IRAG1: variants seen among roughly 807,000 people sequenced by gnomAD.
IRAG1 encodes the protein IP3R-associated cGMP kinase substrate.
IRAG1 carries 62 observed loss-of-function variants against 106.2 expected under a neutral mutation model. That is an observed-to-expected ratio of 0.58 (90% CI 0.48 to 0.72). The LOEUF is 0.72. IRAG1 is among the 30% of genes least tolerant of loss of function. The pLI is 0.00. For synonymous variants in IRAG1, 462 were observed against 443.9 expected (o/e 1.04, Z -0.51); for missense variants, 1,064 against 1,140.7 (o/e 0.93, Z 0.97).
At chr11:10,588,576 CTT>C (rs1467305463) in intron 18 of IRAG1, among the ~76,000 whole-genome samples, 1 of 152,348 alleles carries the variant, frequency 6.6e-6, no homozygotes, top group East Asian at 1.9e-4. Flanking sequence ...GTCTTCAACT[CTT>C]GAGCTCAAGT....
intron 1 of IRAG1, among the ~76,000 whole-genome samples, chr11:10,681,131 CA>C (rs1861221055): frequency 6.6e-6 from 1 of 152,078 alleles, no homozygotes; most frequent in Non-Finnish European, 1.5e-5. Flanking sequence ...CTATGAGTTT[CA>C]CCACTTCCAA....
intron 2 of IRAG1, among the ~76,000 whole-genome samples, chr11:10,635,685 C>T (rs998427849): frequency 2.0e-5 from 3 of 152,194 alleles, no homozygotes; most frequent in Non-Finnish European, 2.9e-5. Context: ...GGACTTCTTA[C>T]GTCCCACAAT....
chr11:10,660,272 A>G (rs1229075571), intron 1 of IRAG1, among the ~76,000 whole-genome samples: 1 of 152,242 alleles, frequency 6.6e-6, no homozygotes, highest in Non-Finnish European at 1.5e-5. Context: ...CATTAAACAA[A>G]AAGGAGATAA....
At chr11:10,676,981 GT>G (rs1860733211) in intron 1 of IRAG1, among the ~76,000 whole-genome samples, 1 of 152,140 alleles carries the variant, frequency 6.6e-6, no homozygotes, top group African/African-American at 2.4e-5. Flanking sequence ...TGCACTGACT[GT>G]TCTCAAACAC....
chr11:10,683,420 C>CA (rs1385527993), intron 1 of IRAG1, among the ~76,000 whole-genome samples: 72 of 149,644 alleles, frequency 4.8e-4, no homozygotes, highest in African/African-American at 1.7e-3. Context: ...CAGTAATTCT[C>CA]AAAAAAAAAT....
intron 2 of IRAG1, among the ~76,000 whole-genome samples, chr11:10,635,648 T>G (rs1017921249): frequency 6.6e-6 from 1 of 152,198 alleles, no homozygotes; most frequent in African/African-American, 2.4e-5. Context: ...TGCCTTGTTG[T>G]GAAATGGGTC....
intron 1 of IRAG1, among the ~76,000 whole-genome samples, chr11:10,668,310 A>G (rs991629852): frequency 1.3e-5 from 2 of 152,252 alleles, no homozygotes; most frequent in East Asian, 1.9e-4. Flanking sequence ...AAAAATATTC[A>G]AATTTGAAAA....
At position 10,597,594 on chromosome 11, in the gene IRAG1, C is replaced by G. The variant is rs747379148; in HGVS notation, c.2017+3324G>C. Among the ~76,000 whole-genome samples the G allele has an allele frequency of 3.9e-5, 6 of 152,276 alleles. No homozygotes were observed. In the South Asian group the frequency reaches 1.2e-3, roughly 32 times the overall value. On this transcript the variant is annotated intron_variant, in intron 15 of 20. Coordinates refer to ENST00000423302, the MANE Select transcript of IRAG1 (RefSeq NM_130385.4). ...CTGGTCTCAACCTCCTGGCCTCAAG[C>G]GATCCTTTCACCTTGGCCTCCCAAA...
rs549947899 is a variant in IRAG1 at position 10,603,438 on chromosome 11, A to T, written c.1744-187T>A. 2.6e-5 allele frequency among the ~76,000 whole-genome samples: 4 copies of T among 152,176 alleles called. No individual in the cohort carries two copies. In the South Asian group the frequency reaches 8.3e-4, roughly 32 times the overall value. ...ATTAGATTCTTATAAGGAGGGTACA[A>T]CCTAGATCCTTCGCATGCACAGTTT... On this transcript the variant is annotated intron_variant, in intron 13 of 20. Coordinates refer to ENST00000423302, the MANE Select transcript of IRAG1 (RefSeq NM_130385.4).
rs1470853230 is a variant in IRAG1, at chr11:10,628,126, C to T, written c.653-101G>A. ...CCCCGGGCTATCCTCCCTTTGCAAT[C>T]TCAGGCCTGGAAGATTTGCTGACTA... is the stretch of plus-strand genomic sequence containing the variant. On this transcript the variant is annotated intron_variant, in intron 6 of 20. Transcript: ENST00000423302. This position sits in a 1 kb window ranked among gnomAD's most constrained non-coding sequence, Gnocchi z 4.1. 7.5e-7 allele frequency: 1 copy of T among 1,327,832 alleles called. No individual in the cohort carries two copies. Among genetic ancestry groups the T allele is most frequent in the Non-Finnish European group, 1.1e-6 (1 of 939,212 alleles). The allele number at this position is 1,327,832 out of a possible 1,614,324, so 82.3% of individuals were successfully genotyped here.
rs150327526 is a variant in IRAG1 at position 10,693,487 on chromosome 11, G to A, written c.67+49C>T. On this transcript the variant is annotated intron_variant, in intron 1 of 20. Coordinates refer to ENST00000423302, the MANE Select transcript of IRAG1 (RefSeq NM_130385.4). ...CTTTAAGGAAGAGAAGGTTCCCTCC[G>A]CTTCCCAGCCGAAGAGGCAGGTTAT... is the stretch of plus-strand genomic sequence containing the variant. 5.4e-3 allele frequency: 8,315 copies of A among 1,534,684 alleles called. 35 individuals carry two copies. The highest frequency in any genetic ancestry group is 6.7e-3 in the Non-Finnish European group (7,695 of 1,146,432).
Position 10,693,706 on chromosome 11 carries a change from C to T in IRAG1, c.-104G>A, listed in dbSNP as rs1314560772. 8 of 1,347,288 alleles carry T rather than the reference C, an allele frequency of 5.9e-6. No individual in the cohort carries two copies. Among genetic ancestry groups the T allele is most frequent in the South Asian group, 2.6e-5 (2 of 77,566 alleles). 83.5% of individuals were successfully genotyped at this position (1,347,288 alleles called of 1,614,324 possible). A position where few individuals can be genotyped will look rare whatever the true frequency, so the allele number is the denominator to read the frequency against. ...TCTGAGAGGGGCTGGGACTTAGAGC[C>T]GAGAGCTCCTCTGGGAGCCCCACTC... On this transcript the variant is annotated 5_prime_UTR_variant, in exon 1 of 21. Transcript: ENST00000423302.
intron 10 of IRAG1, among the ~76,000 whole-genome samples, chr11:10,615,423 C>T (rs554305889): frequency 4.9e-4 from 74 of 152,278 alleles, no homozygotes; most frequent in African/African-American, 1.7e-3. Context: ...CCAGCCATCC[C>T]ATTACTGGAT....
intron 2 of IRAG1, among the ~76,000 whole-genome samples, chr11:10,650,243 G>A (rs1329493122): frequency 2.0e-5 from 3 of 152,174 alleles, no homozygotes; most frequent in Non-Finnish European, 2.9e-5. Flanking sequence ...ATGTCTAAGT[G>A]ACAGGTGTCT....
At position 10,632,071 on chromosome 11, in the gene IRAG1, A is replaced by C. The variant is rs1354033272; in HGVS notation, c.330-10T>G. 6.2e-7 allele frequency: 1 copy of C among 1,608,290 alleles called. No homozygotes were observed. The highest frequency in any genetic ancestry group is 8.5e-7 in the Non-Finnish European group (1 of 1,174,834). On this transcript the variant is annotated splice_polypyrimidine_tract_variant and intron_variant, in intron 3 of 20. Coordinates refer to ENST00000423302, the MANE Select transcript of IRAG1 (RefSeq NM_130385.4). ...GTGGGGACTGTGAACTCTGAAAGAC[A>C]GAACAGTCATCTTGTTCAGAAAATC... is the stretch of plus-strand genomic sequence containing the variant.
chr11:10,588,877 T>A (rs1852329942), intron 18 of IRAG1: 1 of 152,230 alleles, frequency 6.6e-6, no homozygotes, highest in Non-Finnish European at 1.5e-5. Flanking sequence ...CCTTGGTGAT[T>A]AATTGCTGAA....
intron 15 of IRAG1, among the ~76,000 whole-genome samples, chr11:10,599,477 G>A (rs2134290599): frequency 6.6e-6 from 1 of 152,280 alleles, no homozygotes; most frequent in East Asian, 1.9e-4. Flanking sequence ...AATGGTTAGA[G>A]GCCTAGGTGC....
At chr11:10,653,201 A>G (rs561527857) in intron 1 of IRAG1, among the ~76,000 whole-genome samples, 3 of 152,202 alleles carry the variant, frequency 2.0e-5, no homozygotes, top group Non-Finnish European at 4.4e-5. Context: ...TTTTGCTTCC[A>G]TGAGGAAAGC....
intron 1 of IRAG1, among the ~76,000 whole-genome samples, chr11:10,662,784 C>T (rs1289798489): frequency 6.6e-6 from 1 of 152,230 alleles, no homozygotes; most frequent in Non-Finnish European, 1.5e-5. Flanking sequence ...TGGCTTGATT[C>T]CTGCTCCAGC....
Sources: gnomAD v4.1 joint callset for allele counts (sites outside exome capture counted in the v4.1 genomes callset) on GRCh38, gnomAD v4.1.1 for gene constraint, Gnocchi (gnomAD v3.1) non-coding constraint, MANE v1.5 for transcripts, NCBI Gene and HGNC (gene_info 2026-07-23, HGNC 2026-07-21) for gene names.